TMEM82: variants seen among roughly 807,000 people sequenced by gnomAD.
TMEM82 encodes transmembrane protein 82.
TMEM82 carries 30 observed loss-of-function variants against 29.2 expected under a neutral mutation model. The observed-to-expected ratio is 1.03, with a 90% CI of 0.77 to 1.39. TMEM82 has a LOEUF of 1.39. Among genes scored for constraint, TMEM82 ranks in the 40% most tolerant of loss-of-function variants. The pLI is 0.00. For missense variants in TMEM82, 442 were observed against 447.7 expected, an observed-to-expected ratio of 0.99 and a Z score of 0.12; for synonymous variants, 221 against 225.4, an observed-to-expected ratio of 0.98 and a Z score of 0.18.
At position 15,746,929 on chromosome 1, in the gene TMEM82, G is replaced by C. The variant is rs769620800; in HGVS notation, c.820G>C (p.Gly274Arg). ...GCAGACGGTGCTGGTGCGCATGGGCGGCCTCTTCGTGCTGCTGCTGACTGT... is the reference window on the plus strand; with the variant it reads ...GCAGACGGTGCTGGTGCGCATGGGCCGCCTCTTCGTGCTGCTGCTGACTGT... Reference protein sequence around the residue: ...QVQTVLVRMGGLFVLLLTVGR... With the variant: ...QVQTVLVRMGRLFVLLLTVGR... Residue 274 changes from glycine (G) to arginine (R), a missense_variant, in exon 5 of 6, where the codon GGC (glycine) becomes CGC (arginine). Gly to Arg is a moderately radical substitution (Grantham distance 125). Coordinates refer to ENST00000375782, the MANE Select transcript of TMEM82 (RefSeq NM_001013641.3). 6.2e-7 allele frequency: 1 copy of C among 1,609,074 alleles called. No homozygotes were observed. The highest frequency in any genetic ancestry group is 8.5e-7 in the Non-Finnish European group (1 of 1,179,848).
chr1:15,745,553 A>AAGAGAGAAAGAGAGAG (rs1269855206), intron 4 of TMEM82, among the ~76,000 whole-genome samples: 38 of 148,534 alleles, frequency 2.6e-4, no homozygotes, highest in Non-Finnish European at 4.5e-4. Context: ...GAAAGAGAGA[A>AAGAGAGAAAGAGAGAG]AGAGAGAAAG....
chr1:15,747,825 G>C lies in TMEM82; in HGVS notation c.*193G>C. 2.0e-6 allele frequency: 1 copy of C among 504,288 alleles called. No individual in the cohort carries two copies. The highest frequency in any genetic ancestry group is 3.4e-6 in the Non-Finnish European group (1 of 289,934). The allele number at this position is 504,288 out of a possible 1,614,324, so 31.2% of individuals were successfully genotyped here. On this transcript the variant is annotated 3_prime_UTR_variant, in exon 6 of 6. Transcript: ENST00000375782. ...AGCCTCTGGAGAGGGGACACCTGGGGACCCCTGGTTGAACCCTCTTTTTCT... is the reference window on the plus strand; with the variant it reads ...AGCCTCTGGAGAGGGGACACCTGGGCACCCCTGGTTGAACCCTCTTTTTCT...
chr1:15,742,687 T>G (rs764323726), intron 1 of TMEM82, 40 bp downstream of exon 1: 1 of 1,575,706 alleles, frequency 6.3e-7, no homozygotes, highest in South Asian at 1.1e-5. Flanking sequence ...CCCCGCCCCC[T>G]TCCAGCTCTT....
At position 15,746,985 on chromosome 1, in the gene TMEM82, T is replaced by A; in HGVS notation, c.876T>A (p.Leu292=). 9 of 1,612,192 alleles carry A rather than the reference T, an allele frequency of 5.6e-6. No homozygotes were observed. The highest frequency in any genetic ancestry group is 7.6e-6 in the Non-Finnish European group (9 of 1,179,924). ...VGRWLDLLGI[L]VSLLGELWCL... is the part of the protein sequence containing the mutation. Reference sequence around the variant, plus strand: ...GCTGGCTGGACCTGCTGGGCATCCTTGTCTCCCTACTGGGCGAGCTCTGGT... The same window carrying A: ...GCTGGCTGGACCTGCTGGGCATCCTAGTCTCCCTACTGGGCGAGCTCTGGT... The change falls in exon 5 of 6, where the codon CTT becomes CTA. Residue 292 remains leucine (L), a synonymous_variant. Transcript: ENST00000375782.
In TMEM82 at chr1:15,742,870, A is replaced by T; in HGVS notation, c.124A>T (p.Ser42Cys). 1 of 1,612,670 alleles carries T rather than the reference A, an allele frequency of 6.2e-7. No individual in the cohort carries two copies. Among genetic ancestry groups the T allele is most frequent in the South Asian group, 1.1e-5 (1 of 91,080 alleles). ...IGALGVLVLN[S>C]LLKVYFFVGC... ...GGCCCTTGGAGTCTTGGTCCTGAAC[A>T]GCCTCCTGAAAGTTTACTTCTTCGT... The change falls in exon 2 of 6, where the codon AGC becomes TGC. Residue 42 changes from serine to cysteine, a missense_variant. Coordinates refer to ENST00000375782, the MANE Select transcript of TMEM82 (RefSeq NM_001013641.3).
intron 3 of TMEM82, among the ~76,000 whole-genome samples, chr1:15,743,807 A>G (rs897497268): frequency 2.0e-5 from 3 of 152,012 alleles, no homozygotes; most frequent in African/African-American, 7.2e-5. Context: ...AAACAAACAA[A>G]CAAAAAAATT....
At chr1:15,742,744 C>T in intron 1 of TMEM82, 91 bp from the exon 2 acceptor site, 2 of 1,516,382 alleles carry the variant, frequency 1.3e-6, no homozygotes, top group East Asian at 2.3e-5. Context: ...GACACCCCTG[C>T]CCCTTGGCCG....
chr1:15,744,492 C>T lies in TMEM82; in HGVS notation c.669C>T (p.Ile223=). The change falls in exon 4 of 6, where the codon ATC becomes ATT. Residue 223 remains isoleucine (I), a synonymous_variant. Transcript: ENST00000375782. The surrounding 1 kb of genome is among the most constrained non-coding windows in gnomAD (Gnocchi z 5.2). The part of the protein sequence containing the change: ...AVGDLAAVAL[I]NQDFLTTSEA... The stretch of plus-strand genomic sequence containing the variant: ...GTGACCTGGCAGCTGTGGCCCTCAT[C>T]AACCAGGACTTCCTGACCACCTCGG... 6.2e-7 allele frequency: 1 copy of T among 1,612,172 alleles called. No individual in the cohort carries two copies. The highest frequency in any genetic ancestry group is 1.1e-5 in the South Asian group (1 of 90,794).
rs150205982 is a variant in TMEM82 at position 15,746,959 on chromosome 1, C to T, written c.850C>T (p.Arg284Cys). 173 of 1,611,312 alleles carry T rather than the reference C, an allele frequency of 1.1e-4. No individual in the cohort carries two copies. The highest frequency in any genetic ancestry group is 3.3e-5 in the South Asian group (3 of 91,064). ...GLFVLLLTVG[R>C]WLDLLGILVS... Reference sequence around the variant, plus strand: ...CTTCGTGCTGCTGCTGACTGTGGGTCGCTGGCTGGACCTGCTGGGCATCCT... The same window carrying T: ...CTTCGTGCTGCTGCTGACTGTGGGTTGCTGGCTGGACCTGCTGGGCATCCT... Residue 284 changes from arginine (R) to cysteine (C), a missense_variant, in exon 5 of 6, where the codon CGC becomes TGC. Arg to Cys is a radical substitution (Grantham distance 180). Coordinates refer to ENST00000375782, the MANE Select transcript of TMEM82 (RefSeq NM_001013641.3).
intron 1 of TMEM82, 35 bp from the exon 2 acceptor site, chr1:15,742,800 C>T: frequency 1.2e-6 from 2 of 1,601,494 alleles, no homozygotes. Flanking sequence ...AACACCCCTG[C>T]ACGCTGCCTC....
Position 15,747,833 on chromosome 1 carries a change from G to C in TMEM82, c.*201G>C. On this transcript the variant is annotated 3_prime_UTR_variant, in exon 6 of 6. Transcript: ENST00000375782. ...GAGAGGGGACACCTGGGGACCCCTGGTTGAACCCTCTTTTTCTTGGGGTGG... is the reference window on the plus strand; with the variant it reads ...GAGAGGGGACACCTGGGGACCCCTGCTTGAACCCTCTTTTTCTTGGGGTGG... 1 of 482,590 alleles carries C rather than the reference G, an allele frequency of 2.1e-6. No homozygotes were observed. Among genetic ancestry groups the C allele is most frequent in the Non-Finnish European group, 3.6e-6 (1 of 275,244 alleles). The allele number at this position is 482,590 out of a possible 1,614,324, so 29.9% of individuals were successfully genotyped here.
Position 15,744,152 on chromosome 1 carries a change from C to A in TMEM82, c.337-8C>A, listed in dbSNP as rs2068314773. 6.5e-7 allele frequency: 1 copy of A among 1,527,704 alleles called. No individual in the cohort carries two copies. Among genetic ancestry groups the A allele is most frequent in the African/African-American group, 1.4e-5 (1 of 73,594 alleles). 94.6% of individuals were successfully genotyped at this position (1,527,704 alleles called of 1,614,324 possible). ...CACATCTCGGCCCCTCTTCGGCACTCCCCGCAGGGCTCCCAGGGTGCCGCC... is the reference window on the plus strand; with the variant it reads ...CACATCTCGGCCCCTCTTCGGCACTACCCGCAGGGCTCCCAGGGTGCCGCC... On this transcript the variant is annotated splice_region_variant and splice_polypyrimidine_tract_variant and intron_variant, in intron 3 of 5. Coordinates refer to ENST00000375782, the MANE Select transcript of TMEM82 (RefSeq NM_001013641.3). The surrounding 1 kb of genome is among the most constrained non-coding windows in gnomAD (Gnocchi z 5.2).
Position 15,742,877 on chromosome 1 carries a change from T to A in TMEM82, c.131T>A (p.Leu44Gln), listed in dbSNP as rs374354331. 5.9e-5 allele frequency: 95 copies of A among 1,612,766 alleles called. No homozygotes were observed. Among genetic ancestry groups the A allele is most frequent in the Non-Finnish European group, 7.8e-5 (92 of 1,179,972 alleles). The change falls in exon 2 of 6, where the codon CTG (leucine) becomes CAG (glutamine). Residue 44 changes from leucine (L) to glutamine (Q), a missense_variant. Leu to Gln is a moderately radical substitution (Grantham distance 113). Coordinates refer to ENST00000375782, the MANE Select transcript of TMEM82 (RefSeq NM_001013641.3). ...ALGVLVLNSL[L>Q]KVYFFVGCAN... Reference sequence around the variant, plus strand: ...GGAGTCTTGGTCCTGAACAGCCTCCTGAAAGTTTACTTCTTCGTGGGCTGT... The same window carrying A: ...GGAGTCTTGGTCCTGAACAGCCTCCAGAAAGTTTACTTCTTCGTGGGCTGT...
chr1:15,743,295 C>A, intron 3 of TMEM82, 101 bp downstream of exon 3: 1 of 1,345,246 alleles, frequency 7.4e-7, no homozygotes, highest in Non-Finnish European at 9.9e-7. Flanking sequence ...GCATCCCAGC[C>A]TCTTCGCCGT....
At position 15,744,378 on chromosome 1, in the gene TMEM82, C is replaced by G. The variant is rs139460367; in HGVS notation, c.555C>G (p.Arg185=). ...CRLYELHSSQ[R]YCGVCLGLLA... ...TCTACGAGCTGCACAGCAGCCAGCG[C>G]TACTGTGGGGTGTGCCTGGGCCTGC... is the stretch of plus-strand genomic sequence containing the variant. Residue 185 remains arginine, a synonymous_variant, in exon 4 of 6, where the codon CGC becomes CGG. Transcript: ENST00000375782. This position sits in a 1 kb window ranked among gnomAD's most constrained non-coding sequence, Gnocchi z 5.2. The G allele has an allele frequency of 2.0e-5, 31 of 1,563,698 alleles. No individual in the cohort carries two copies. Among genetic ancestry groups the G allele is most frequent in the Non-Finnish European group, 1.3e-5 (15 of 1,156,634 alleles).
At position 15,744,535 on chromosome 1, in the gene TMEM82, A is replaced by G. The variant is rs754583120; in HGVS notation, c.712A>G (p.Thr238Ala). 1.9e-6 allele frequency: 3 copies of G among 1,612,288 alleles called. No individual in the cohort carries two copies. Among genetic ancestry groups the G allele is most frequent in the Non-Finnish European group, 1.7e-6 (2 of 1,179,766 alleles). Residue 238 changes from threonine (T) to alanine (A), a missense_variant, in exon 4 of 6, where the codon ACA (threonine) becomes GCA (alanine). Coordinates refer to ENST00000375782, the MANE Select transcript of TMEM82 (RefSeq NM_001013641.3). This position sits in a 1 kb window ranked among gnomAD's most constrained non-coding sequence, Gnocchi z 5.2. ...CACCTCGGAGGCCATGCGGTTCTGG[A>G]CACCGCTCACCATCTGCTACACGCT... Reference protein sequence around the residue: ...LTTSEAMRFWTPLTICYTLLV... With the variant: ...LTTSEAMRFWAPLTICYTLLV...
In TMEM82 at chr1:15,742,642, T is replaced by C; in HGVS notation, c.83T>C (p.Leu28Pro). 1 of 1,609,096 alleles carries C rather than the reference T, an allele frequency of 6.2e-7. No individual in the cohort carries two copies. Among genetic ancestry groups the C allele is most frequent in the Non-Finnish European group, 8.5e-7 (1 of 1,179,126 alleles). Residue 28 changes from leucine (L) to proline (P), a missense_variant, in exon 1 of 6, where the codon CTG (leucine) becomes CCG (proline). Coordinates refer to ENST00000375782, the MANE Select transcript of TMEM82 (RefSeq NM_001013641.3). The part of the protein sequence containing the change: ...EWGSSLLDSL[L>P]QGLIGALGVL... ...GGCTCTAGCCTCCTTGACTCCCTCC[T>C]GCAAGGTGAGCACCTCGCCCCATTC...
At chr1:15,743,770 A>C (rs534376605) in intron 3 of TMEM82, among the ~76,000 whole-genome samples, 41 of 152,120 alleles carry the variant, frequency 2.7e-4, no homozygotes, top group Admixed American at 6.5e-4. Flanking sequence ...CCTGGCCAAC[A>C]TGGAGAAACC....
chr1:15,747,248 T>C (rs1352451239), intron 5 of TMEM82, among the ~76,000 whole-genome samples, 194 bp downstream of exon 5: 1 of 151,266 alleles, frequency 6.6e-6, no homozygotes, highest in Non-Finnish European at 1.5e-5. Context: ...GCCAAGATCT[T>C]GCCACTGCAC....
Sources: gnomAD v4.1 joint callset for allele counts (sites outside exome capture counted in the v4.1 genomes callset) on GRCh38, gnomAD v4.1.1 for gene constraint, Gnocchi (gnomAD v3.1) non-coding constraint, MANE v1.5 for transcripts, NCBI Gene and HGNC (gene_info 2026-07-23, HGNC 2026-07-21) for gene names.